TBXAS1: variants seen among roughly 807,000 people sequenced by gnomAD.
TBXAS1 encodes the protein thromboxane A synthase 1.
TBXAS1 carries 48 observed loss-of-function variants against 60.7 expected under a neutral mutation model. That is an observed-to-expected ratio of 0.79 (90% CI 0.63 to 1.01). The LOEUF is 1.01. Among genes scored for constraint, TBXAS1 ranks in the 50% least tolerant of loss-of-function variants. The pLI, the probability that TBXAS1 is intolerant of heterozygous loss-of-function variation, is 0.00. For missense variants in TBXAS1, 685 were observed against 686.3 expected (o/e 1.00, Z 0.02); for synonymous variants, 287 against 269.7 (o/e 1.06, Z -0.63).
At chr7:139,900,645 A>G (rs756736087) in intron 3 of TBXAS1, among the ~76,000 whole-genome samples, 40 of 152,224 alleles carry the variant, frequency 2.6e-4, no homozygotes, top group Non-Finnish European at 5.0e-4. Context: ...GATGGAATGA[A>G]GAGCTGCAGG....
chr7:139,925,670 C>G (rs1244854547), intron 4 of TBXAS1, among the ~76,000 whole-genome samples: 1 of 152,150 alleles, frequency 6.6e-6, no homozygotes, highest in African/African-American at 2.4e-5. Flanking sequence ...GCCAGGACTT[C>G]CAGTACTATG....
chr7:139,983,801 C>T (rs907565965), intron 9 of TBXAS1, among the ~76,000 whole-genome samples: 4 of 152,182 alleles, frequency 2.6e-5, no homozygotes, highest in Non-Finnish European at 5.9e-5. Flanking sequence ...TCTTGTGACT[C>T]TACCACAGTT....
At chr7:139,950,396 C>T (rs998070874) in intron 5 of TBXAS1, among the ~76,000 whole-genome samples, 4 of 152,142 alleles carry the variant, frequency 2.6e-5, no homozygotes, top group African/African-American at 4.8e-5. Context: ...TCAAACACCC[C>T]AGTGCTCTAA....
rs73734121 is a variant in TBXAS1 at position 139,861,850 on chromosome 7, C to T, written c.90-10385C>T. On this transcript the variant is annotated intron_variant, in intron 1 of 12. Coordinates refer to ENST00000448866, the MANE Select transcript of TBXAS1 (RefSeq NM_001061.7). ...GCAGGCTGGTTCCTTCTGGGGGATC[C>T]AGGGGAATATTGGTTTCTTGCCTCC... 7.4e-3 allele frequency among the ~76,000 whole-genome samples: 1,128 copies of T among 152,240 alleles called. 20 individuals carry two copies. The highest frequency in any genetic ancestry group is 0.026 in the African/African-American group (1,066 of 41,532).
chr7:139,894,425 C>T (rs1803913810), intron 3 of TBXAS1, among the ~76,000 whole-genome samples: 2 of 152,168 alleles, frequency 1.3e-5, no homozygotes, highest in South Asian at 2.1e-4. Context: ...TGACTGGAGC[C>T]CTCATTAACC....
At chr7:139,963,317 G>A (rs1274525319) in intron 9 of TBXAS1, among the ~76,000 whole-genome samples, 1 of 152,128 alleles carries the variant, frequency 6.6e-6, no homozygotes, top group Non-Finnish European at 1.5e-5. Context: ...CCTTATTACT[G>A]TTCAAGTCAG....
chr7:139,987,382 A>C (rs1812573190), intron 9 of TBXAS1, among the ~76,000 whole-genome samples: 1 of 152,172 alleles, frequency 6.6e-6, no homozygotes, highest in African/African-American at 2.4e-5. Context: ...TCACATCCCC[A>C]CACACTGAGA....
At chr7:139,919,524 C>T (rs1806281432) in intron 4 of TBXAS1, among the ~76,000 whole-genome samples, 1 of 152,194 alleles carries the variant, frequency 6.6e-6, no homozygotes, top group Non-Finnish European at 1.5e-5. Flanking sequence ...ATCTTGAGTC[C>T]ATTTCTTGCA....
intron 3 of TBXAS1, among the ~76,000 whole-genome samples, chr7:139,892,375 G>A (rs1803687927): frequency 6.6e-6 from 1 of 152,146 alleles, no homozygotes; most frequent in African/African-American, 2.4e-5. Flanking sequence ...GGTGGATCAT[G>A]AGGTCAGGAG....
chr7:139,930,671 T>C (rs1807247019), intron 4 of TBXAS1, among the ~76,000 whole-genome samples: 1 of 151,858 alleles, frequency 6.6e-6, no homozygotes, highest in Admixed American at 6.6e-5. Flanking sequence ...AGGCTTTGTG[T>C]TCAGAAAGGG....
chr7:139,945,002 G>A (rs1808588086), intron 5 of TBXAS1, among the ~76,000 whole-genome samples: 1 of 152,168 alleles, frequency 6.6e-6, no homozygotes, highest in Non-Finnish European at 1.5e-5. Context: ...TGAGTTTTGT[G>A]GGAAAGCAAC....
At chr7:139,881,709 C>T (rs565838280) in intron 3 of TBXAS1, among the ~76,000 whole-genome samples, 1 of 152,114 alleles carries the variant, frequency 6.6e-6, no homozygotes, top group East Asian at 1.9e-4. Flanking sequence ...AATCTATCTC[C>T]CAGGGAACCT....
intron 1 of TBXAS1, among the ~76,000 whole-genome samples, chr7:139,845,148 C>A (rs1158055495): frequency 6.6e-6 from 1 of 152,162 alleles, no homozygotes; most frequent in Admixed American, 6.5e-5. Flanking sequence ...CTGGAAATAG[C>A]CTTCCCACGG....
intron 9 of TBXAS1, among the ~76,000 whole-genome samples, chr7:139,968,409 C>T (rs139447384): frequency 6.6e-4 from 100 of 152,316 alleles, no homozygotes; most frequent in Non-Finnish European, 9.0e-4. Flanking sequence ...ATTCTCCTGC[C>T]TCAGCCTCCC....
chr7:139,927,371 C>A (rs1047716081), intron 4 of TBXAS1, among the ~76,000 whole-genome samples: 3 of 152,036 alleles, frequency 2.0e-5, no homozygotes, highest in Non-Finnish European at 2.9e-5. Flanking sequence ...TTTAAACTGA[C>A]AACTTAACAC....
intron 1 of TBXAS1, among the ~76,000 whole-genome samples, chr7:139,859,436 T>G (rs1020322051): frequency 1.4e-5 from 2 of 144,324 alleles, no homozygotes; most frequent in South Asian, 4.5e-4. Context: ...TCAATCTTCT[T>G]ACCTCGTGAT....
intron 3 of TBXAS1, among the ~76,000 whole-genome samples, chr7:139,910,509 C>T (rs1184588480): frequency 1.3e-5 from 2 of 152,014 alleles, no homozygotes; most frequent in Non-Finnish European, 1.5e-5. Flanking sequence ...TGGTGATGGG[C>T]GCCTGTAATC....
intron 9 of TBXAS1, among the ~76,000 whole-genome samples, chr7:139,965,501 C>G (rs1201323121): frequency 6.6e-6 from 1 of 152,132 alleles, no homozygotes; most frequent in Non-Finnish European, 1.5e-5. Flanking sequence ...GTGGCACAAT[C>G]TTGGCTCACA....
intron 9 of TBXAS1, among the ~76,000 whole-genome samples, chr7:139,978,324 A>G (rs931397450): frequency 2.6e-5 from 4 of 151,858 alleles, no homozygotes; most frequent in Admixed American, 2.6e-4. Context: ...AGCCTGGTCA[A>G]CATGGTGAAA....
Sources: gnomAD v4.1 joint callset for allele counts (sites outside exome capture counted in the v4.1 genomes callset) on GRCh38, gnomAD v4.1.1 for gene constraint, MANE v1.5 for transcripts, NCBI Gene and HGNC (gene_info 2026-07-23, HGNC 2026-07-21) for gene names.